The following PPP1R36 variants were observed in gnomAD, a reference collection of about 807,000 sequenced individuals.
PPP1R36 encodes protein phosphatase 1 regulatory subunit 36.
A neutral mutation model predicts 53.4 loss-of-function variants in PPP1R36; 47 were observed. That is an observed-to-expected ratio of 0.88 (90% CI 0.70 to 1.12). PPP1R36 has a LOEUF of 1.12. Among genes scored for constraint, PPP1R36 ranks in the 50% most tolerant of loss-of-function variants. PPP1R36 has a pLI of 0.00. For missense variants in PPP1R36, 456 were observed against 513.9 expected, an observed-to-expected ratio of 0.89 and a Z score of 1.09; for synonymous variants, 153 against 170.5, an observed-to-expected ratio of 0.90 and a Z score of 0.80.
intron 3 of PPP1R36, among the ~76,000 whole-genome samples, chr14:64,554,139 A>ATTTTTTT (rs1235272685): frequency 2.8e-5 from 3 of 109,012 alleles, no homozygotes; most frequent in African/African-American, 1.1e-4. Flanking sequence ...TCCCATCACA[A>ATTTTTTT]TTGTTTTTTT....
Position 64,558,271 on chromosome 14 carries a change from G to GA in PPP1R36, c.182+5415dup, listed in dbSNP as rs372631104. Among the ~76,000 whole-genome samples, 479 of 152,160 alleles carry GA rather than the reference G, an allele frequency of 3.1e-3. 1 individual carries two copies. The highest frequency in any genetic ancestry group is 0.011 in the African/African-American group (461 of 41,520). On this transcript the variant is annotated intron_variant, in intron 3 of 11. Coordinates refer to ENST00000298705, the MANE Select transcript of PPP1R36 (RefSeq NM_172365.3). ...ACAGGTGAGAATCTGAGATAAAGATGAAAAAGTAGCAAAAATAGAGTACTC... is the reference window on the plus strand; with the variant it reads ...ACAGGTGAGAATCTGAGATAAAGATGAAAAAAGTAGCAAAAATAGAGTACTC...
intron 3 of PPP1R36, among the ~76,000 whole-genome samples, chr14:64,556,762 A>ATGTTTGTGTGTGTGTGTG (rs1555351247): frequency 1.1e-4 from 15 of 133,970 alleles, no homozygotes; most frequent in Non-Finnish European, 1.6e-4. Context: ...TCTCCAAAAA[A>ATGTTTGTGTGTGTGTGTG]TGTGTGTGTG....
At chr14:64,556,745 GACCCAATC>G (rs1347017762) in intron 3 of PPP1R36, among the ~76,000 whole-genome samples, 4 of 123,446 alleles carry the variant, frequency 3.2e-5, no homozygotes, top group Middle Eastern at 4.2e-3. Flanking sequence ...GGTAGAGTGA[GACCCAATC>G]TCCAAAAAAT....
At chr14:64,554,540 CTT>C (rs1480229714) in intron 3 of PPP1R36, among the ~76,000 whole-genome samples, 1 of 151,024 alleles carries the variant, frequency 6.6e-6, no homozygotes, top group Admixed American at 6.6e-5. Context: ...AGAGAGGACT[CTT>C]GAGCTGGAAC....
At chr14:64,557,711 C>T (rs933902015) in intron 3 of PPP1R36, among the ~76,000 whole-genome samples, 1 of 152,070 alleles carries the variant, frequency 6.6e-6, no homozygotes, top group Non-Finnish European at 1.5e-5. Flanking sequence ...AGGAATTGGC[C>T]AAAGACAGAG....
intron 8 of PPP1R36, among the ~76,000 whole-genome samples, chr14:64,575,579 C>T (rs1474773498): frequency 6.6e-6 from 1 of 151,596 alleles, no homozygotes; most frequent in East Asian, 1.9e-4. Flanking sequence ...AGTATATTTA[C>T]CTAGAAAGCC....
At chr14:64,579,545 T>A (rs1203503951) in intron 8 of PPP1R36, among the ~76,000 whole-genome samples, 1 of 152,228 alleles carries the variant, frequency 6.6e-6, no homozygotes, top group Non-Finnish European at 1.5e-5. Context: ...AGGAAAAGCA[T>A]TATGATAAAA....
intron 7 of PPP1R36, 88 bp from the exon 8 acceptor site, chr14:64,574,366 GA>G: frequency 7.4e-7 from 1 of 1,342,928 alleles, no homozygotes; most frequent in South Asian, 1.4e-5. Context: ...AAGAAAAGAA[GA>G]AAAGTTTATA....
chr14:64,580,912 G>A (rs2080383575), intron 8 of PPP1R36, among the ~76,000 whole-genome samples: 1 of 152,030 alleles, frequency 6.6e-6, no homozygotes, highest in Non-Finnish European at 1.5e-5. Flanking sequence ...ATGTGTTACC[G>A]AAGTGAACTG....
At chr14:64,565,575 C>T (rs2080245020) in intron 5 of PPP1R36, 51 bp from the exon 6 acceptor site, 1 of 1,530,908 alleles carries the variant, frequency 6.5e-7, no homozygotes, top group Admixed American at 1.7e-5. Flanking sequence ...TTGTGTGACT[C>T]TCTAAGGTAG....
chr14:64,568,059 G>A (rs537196538), intron 6 of PPP1R36, among the ~76,000 whole-genome samples: 1 of 152,126 alleles, frequency 6.6e-6, no homozygotes, highest in Admixed American at 6.6e-5. Flanking sequence ...TTAAACAATG[G>A]AAATATATTG....
At chr14:64,571,194 C>T (rs561507572) in intron 7 of PPP1R36, among the ~76,000 whole-genome samples, 7 of 152,246 alleles carry the variant, frequency 4.6e-5, no homozygotes, top group African/African-American at 1.2e-4. Context: ...GGCACAATCT[C>T]GGCTCACTGT....
intron 6 of PPP1R36, 121 bp downstream of exon 6, chr14:64,565,813 C>A: frequency 2.6e-6 from 2 of 757,138 alleles, no homozygotes; most frequent in East Asian, 2.6e-5. Flanking sequence ...CTATGCAAGC[C>A]ATCCTCTCAG....
chr14:64,558,176 C>T (rs1053069189), intron 3 of PPP1R36, among the ~76,000 whole-genome samples: 1 of 152,082 alleles, frequency 6.6e-6, no homozygotes, highest in African/African-American at 2.4e-5. Flanking sequence ...TAACAAATTA[C>T]GGATCCATAG....
chr14:64,557,751 C>T (rs2080168404), intron 3 of PPP1R36, among the ~76,000 whole-genome samples: 2 of 152,304 alleles, frequency 1.3e-5, no homozygotes, highest in Admixed American at 6.5e-5. Context: ...GTGGCTCACG[C>T]CTGTAATCCT....
At chr14:64,580,155 G>T (rs974410769) in intron 8 of PPP1R36, among the ~76,000 whole-genome samples, 3 of 152,056 alleles carry the variant, frequency 2.0e-5, no homozygotes, top group Non-Finnish European at 4.4e-5. Context: ...TAAAGAATTA[G>T]CTGGGCATGG....
intron 6 of PPP1R36, among the ~76,000 whole-genome samples, chr14:64,567,703 C>T (rs769273157): frequency 3.3e-5 from 5 of 151,934 alleles, no homozygotes; most frequent in Non-Finnish European, 7.4e-5. Flanking sequence ...GCTCTTTTGC[C>T]CAGGCTGGAG....
chr14:64,553,809 G>A (rs1380096942), intron 3 of PPP1R36, among the ~76,000 whole-genome samples: 9 of 133,498 alleles, frequency 6.7e-5, no homozygotes, highest in Admixed American at 3.1e-4. Flanking sequence ...ACCTTACTAC[G>A]TGTAAGTTAT....
At chr14:64,586,679 AT>A in intron 8 of PPP1R36, 157 bp from the exon 9 acceptor site, 1 of 549,116 alleles carries the variant, frequency 1.8e-6, no homozygotes, top group Non-Finnish European at 3.3e-6. Context: ...ATAAGAAAGT[AT>A]TGAGACTCTT....
Sources: allele counts gnomAD v4.1 joint callset (sites outside exome capture counted in the v4.1 genomes callset), GRCh38; gene constraint gnomAD v4.1.1; transcripts MANE v1.5; gene names NCBI Gene and HGNC (gene_info 2026-07-23, HGNC 2026-07-21).